The following TTC28 variants were observed in gnomAD, a reference collection of about 807,000 sequenced individuals.
The protein encoded by TTC28 is tetratricopeptide repeat domain 28.
Under a neutral mutation model 198.0 loss-of-function variants are expected in TTC28, and 61 were observed. The observed-to-expected ratio is 0.31, with a 90% confidence interval of 0.25 to 0.38. The LOEUF is 0.38. Among genes scored for constraint, TTC28 ranks in the 10% least tolerant of loss-of-function variants. The probability of loss-of-function intolerance (pLI) is 1.00; values close to 1 mark genes in which losing one functional copy is unlikely to be tolerated. For missense variants in TTC28, 2,678 were observed against 3,164.0 expected, an observed-to-expected ratio of 0.85 and a Z score of 3.69; for synonymous variants, 1,171 against 1,297.8, an observed-to-expected ratio of 0.90 and a Z score of 2.10.
intron 5 of TTC28, among the ~76,000 whole-genome samples, chr22:28,207,923 C>A (rs1270980073): frequency 6.6e-6 from 1 of 152,124 alleles, no homozygotes; most frequent in Admixed American, 6.5e-5. Flanking sequence ...CAGAACTTGA[C>A]TCGCATGAGG....
chr22:28,239,120 T>C (rs879742905), intron 5 of TTC28, among the ~76,000 whole-genome samples: 2 of 152,144 alleles, frequency 1.3e-5, no homozygotes, highest in Non-Finnish European at 2.9e-5. Context: ...TACTGACCAA[T>C]GTTGTAGTTG....
At chr22:28,590,006 C>T (rs2050394802) in intron 2 of TTC28, among the ~76,000 whole-genome samples, 1 of 125,958 alleles carries the variant, frequency 7.9e-6, no homozygotes, top group Non-Finnish European at 1.6e-5. Flanking sequence ...CACTGCACTC[C>T]AGCCTGGGCA....
At chr22:28,386,139 G>A (rs894633075) in intron 2 of TTC28, among the ~76,000 whole-genome samples, 39 of 150,212 alleles carry the variant, frequency 2.6e-4, no homozygotes, top group Non-Finnish European at 3.0e-4. Context: ...GCCGGGCGTA[G>A]TGGCGGGCGC....
At chr22:28,097,077 C>T (rs1033909970) in intron 10 of TTC28, among the ~76,000 whole-genome samples, 7 of 152,124 alleles carry the variant, frequency 4.6e-5, no homozygotes, top group Admixed American at 2.0e-4. Context: ...GCTGTCTATG[C>T]GTCTTCTGAC....
intron 2 of TTC28, among the ~76,000 whole-genome samples, chr22:28,313,058 C>G (rs1396024212): frequency 2.0e-5 from 3 of 152,114 alleles, no homozygotes; most frequent in African/African-American, 7.2e-5. Flanking sequence ...GAAATACAAA[C>G]TACCATCAGA....
chr22:28,139,512 A>G (rs1943279380), intron 6 of TTC28, among the ~76,000 whole-genome samples: 1 of 152,298 alleles, frequency 6.6e-6, no homozygotes, highest in African/African-American at 2.4e-5. Context: ...ATTTAAAAAT[A>G]TCAAACTGTC....
intron 2 of TTC28, among the ~76,000 whole-genome samples, chr22:28,437,474 C>G (rs1019171792): frequency 5.3e-5 from 8 of 152,186 alleles, no homozygotes; most frequent in Non-Finnish European, 1.2e-4. Flanking sequence ...CCCTCTCACC[C>G]CAGCCCAGTT....
Position 28,334,837 on chromosome 22 carries a change from G to C in TTC28, c.382-28194C>G, listed in dbSNP as rs2045682097. Among the ~76,000 whole-genome samples the C allele has an allele frequency of 2.0e-5, 3 of 152,102 alleles. No individual in the cohort carries two copies. In the South Asian group the frequency reaches 6.2e-4, roughly 32 times the overall value. On this transcript the variant is annotated intron_variant, in intron 2 of 22. Coordinates refer to ENST00000397906, the MANE Select transcript of TTC28 (RefSeq NM_001145418.2). ...GATGGTAGGTTCCTTTGCTATTCTT[G>C]TGCAGAAGCTCTTTAGTTTAATTAG...
At chr22:28,075,829 C>A (rs1040896063) in intron 12 of TTC28, among the ~76,000 whole-genome samples, 11 of 152,284 alleles carry the variant, frequency 7.2e-5, no homozygotes, top group Non-Finnish European at 1.3e-4. Context: ...GTAGGCAGAG[C>A]GAGGCACAGG....
intron 2 of TTC28, among the ~76,000 whole-genome samples, chr22:28,362,304 C>G (rs905825663): frequency 6.6e-6 from 1 of 152,154 alleles, no homozygotes; most frequent in Non-Finnish European, 1.5e-5. Flanking sequence ...CAAGTTCTCT[C>G]TCTTTGCCTG....
intron 2 of TTC28, among the ~76,000 whole-genome samples, chr22:28,408,098 ATAGAG>A (rs1382894542): frequency 1.3e-5 from 2 of 152,188 alleles, no homozygotes; most frequent in Non-Finnish European, 2.9e-5. Context: ...ACACATTTTT[ATAGAG>A]TAGACTTAAT....
At chr22:28,432,921 G>C (rs2047454437) in intron 2 of TTC28, among the ~76,000 whole-genome samples, 1 of 152,078 alleles carries the variant, frequency 6.6e-6, no homozygotes, top group Admixed American at 6.6e-5. Context: ...TCAAAACACA[G>C]ACCCCTTAAT....
intron 5 of TTC28, among the ~76,000 whole-genome samples, chr22:28,185,238 T>C (rs1435850558): frequency 1.3e-5 from 2 of 152,182 alleles, no homozygotes; most frequent in African/African-American, 2.4e-5. Flanking sequence ...TGAGTTGCCA[T>C]CTTGTCTGTC....
At chr22:28,679,123 A>C (rs1410272955) in intron 1 of TTC28, among the ~76,000 whole-genome samples, 1 of 152,152 alleles carries the variant, frequency 6.6e-6, no homozygotes, top group Non-Finnish European at 1.5e-5. Context: ...CGCTTTTCAA[A>C]ACAACGCTCT....
intron 2 of TTC28, among the ~76,000 whole-genome samples, chr22:28,384,896 T>C (rs908094759): frequency 6.6e-6 from 1 of 151,982 alleles, no homozygotes; most frequent in Non-Finnish European, 1.5e-5. Flanking sequence ...ATCCCAGCAC[T>C]TTGGGAGGCC....
chr22:28,350,684 G>A (rs1042033242), intron 2 of TTC28, among the ~76,000 whole-genome samples: 1 of 152,090 alleles, frequency 6.6e-6, no homozygotes, highest in Non-Finnish European at 1.5e-5. Context: ...CTGAATTAGT[G>A]GAAAGCCATC....
chr22:28,265,571 T>C (rs951148918), intron 5 of TTC28, among the ~76,000 whole-genome samples: 3 of 152,182 alleles, frequency 2.0e-5, no homozygotes, highest in African/African-American at 7.2e-5. Context: ...CTTTTGTTAC[T>C]ATGTCAGTGT....
At chr22:28,022,872 C>T (rs893736473) in intron 13 of TTC28, among the ~76,000 whole-genome samples, 2 of 152,254 alleles carry the variant, frequency 1.3e-5, no homozygotes, top group Non-Finnish European at 2.9e-5. Context: ...CCACGAACAT[C>T]CTCACACAAA....
At chr22:28,553,302 G>A (rs2049723928) in intron 2 of TTC28, among the ~76,000 whole-genome samples, 1 of 151,596 alleles carries the variant, frequency 6.6e-6, no homozygotes, top group Admixed American at 6.6e-5. Flanking sequence ...GGAAAGTGAG[G>A]AGCGTCTCTG....
Sources: gnomAD v4.1 joint callset for allele counts (sites outside exome capture counted in the v4.1 genomes callset) on GRCh38, gnomAD v4.1.1 for gene constraint, MANE v1.5 for transcripts, NCBI Gene and HGNC (gene_info 2026-07-23, HGNC 2026-07-21) for gene names.